Variants in PPM1L observed in about 807,000 individuals in gnomAD.
PPM1L encodes the protein protein phosphatase 1L.
PPM1L carries 13 observed loss-of-function variants against 31.4 expected under a neutral mutation model. The ratio of observed to expected loss-of-function variants is 0.41; its 90% CI spans 0.27 to 0.66. The LOEUF (loss-of-function observed/expected upper bound fraction) is 0.66, where lower values mean the gene tolerates loss of function less well. PPM1L is among the 30% of genes least tolerant of loss of function. The probability of loss-of-function intolerance (pLI) is 0.29; values close to 1 mark genes in which losing one functional copy is unlikely to be tolerated. For missense variants in PPM1L, 326 were observed against 453.7 expected, an observed-to-expected ratio of 0.72 and a Z score of 2.56; for synonymous variants, 184 against 175.4, an observed-to-expected ratio of 1.05 and a Z score of -0.39.
chr3:160,936,797 C>G (rs1459116851), intron 1 of PPM1L, among the ~76,000 whole-genome samples: 2 of 152,004 alleles, frequency 1.3e-5, no homozygotes, highest in African/African-American at 2.4e-5. Flanking sequence ...TGATCCTGAC[C>G]TTTTAAATTA....
At chr3:160,819,828 A>T (rs768294249) in intron 1 of PPM1L, among the ~76,000 whole-genome samples, 3 of 152,088 alleles carry the variant, frequency 2.0e-5, no homozygotes, top group Non-Finnish European at 2.9e-5. Context: ...TGTTATTTTT[A>T]AAAAAATAGA....
chr3:161,042,784 G>T (rs991554278), intron 2 of PPM1L, among the ~76,000 whole-genome samples: 1 of 152,110 alleles, frequency 6.6e-6, no homozygotes, highest in Non-Finnish European at 1.5e-5. Context: ...ACTTTGGGAG[G>T]CTGAGGCGGG....
intron 1 of PPM1L, among the ~76,000 whole-genome samples, chr3:160,773,416 CCTGA>C (rs1179866288): frequency 1.3e-5 from 2 of 151,930 alleles, no homozygotes; most frequent in Non-Finnish European, 2.9e-5. Context: ...GGGTGATTGG[CCTGA>C]CTCTCTCTTA....
intron 2 of PPM1L, among the ~76,000 whole-genome samples, chr3:160,976,331 TTC>T (rs1716573695): frequency 6.9e-6 from 1 of 145,048 alleles, no homozygotes; most frequent in African/African-American, 2.6e-5. Context: ...TGGTCTAAAA[TTC>T]TCTTTTTTGG....
At chr3:160,828,670 G>A (rs1459487103) in intron 1 of PPM1L, among the ~76,000 whole-genome samples, 1 of 151,960 alleles carries the variant, frequency 6.6e-6, no homozygotes, top group Non-Finnish European at 1.5e-5. Flanking sequence ...GGGACACATG[G>A]TCATGGTACC....
chr3:160,801,355 T>C (rs1181682736), intron 1 of PPM1L, among the ~76,000 whole-genome samples: 1 of 152,174 alleles, frequency 6.6e-6, no homozygotes, highest in Non-Finnish European at 1.5e-5. Flanking sequence ...ATTTTGCACT[T>C]GGGGCAAAGC....
intron 2 of PPM1L, among the ~76,000 whole-genome samples, chr3:161,064,432 A>T (rs777311346): frequency 4.6e-5 from 7 of 152,208 alleles, no homozygotes; most frequent in African/African-American, 7.2e-5. Flanking sequence ...CCATTTAGAT[A>T]CAGTTGACAT....
At chr3:160,964,847 C>G (rs572404505) in intron 2 of PPM1L, among the ~76,000 whole-genome samples, 1 of 152,062 alleles carries the variant, frequency 6.6e-6, no homozygotes, top group African/African-American at 2.4e-5. Context: ...ACTACCTCCT[C>G]CTCCATAACC....
In PPM1L at chr3:160,957,873, G is replaced by T. The variant is rs1715831216; in HGVS notation, c.400-3863G>T. On this transcript the variant is annotated intron_variant, in intron 1 of 3. Coordinates refer to ENST00000498165, the MANE Select transcript of PPM1L (RefSeq NM_139245.4). ...TTACAGGCGTGAGCCACTGCGGCCG[G>T]CCTCTCGTTGTGTTTTAATTTGCAT... 1.3e-5 allele frequency among the ~76,000 whole-genome samples: 2 copies of T among 152,132 alleles called. 1 individual carries two copies. Among genetic ancestry groups the T allele is most frequent in the African/African-American group, 4.8e-5 (2 of 41,418 alleles).
rs1304314117 is a variant in PPM1L at position 160,944,783 on chromosome 3, TTATA to T, written c.400-16949_400-16946del. On this transcript the variant is annotated intron_variant, in intron 1 of 3. Coordinates refer to ENST00000498165, the MANE Select transcript of PPM1L (RefSeq NM_139245.4). ...TATATATAACATGTTATATATTATA[TTATA>T]TATGTTATATATAACATATATAACA... Among the ~76,000 whole-genome samples the T allele has an allele frequency of 2.5e-4, 13 of 52,576 alleles. 3 individuals are homozygous for T. The highest frequency in any genetic ancestry group is 5.1e-4 in the Non-Finnish European group (11 of 21,724). The allele number at this position is 52,576 out of a possible 152,430, so 34.5% of individuals were successfully genotyped here.
At chr3:160,823,391 T>G (rs543459974) in intron 1 of PPM1L, among the ~76,000 whole-genome samples, 59 of 151,724 alleles carry the variant, frequency 3.9e-4, no homozygotes, top group African/African-American at 1.3e-3. Flanking sequence ...TTTTGTATTT[T>G]TAGTAGAGAT....
At chr3:160,964,847 C>T (rs572404505) in intron 2 of PPM1L, among the ~76,000 whole-genome samples, 1 of 151,944 alleles carries the variant, frequency 6.6e-6, no homozygotes, top group African/African-American at 2.4e-5. Context: ...ACTACCTCCT[C>T]CTCCATAACC....
At chr3:160,870,611 A>T (rs530489713) in intron 1 of PPM1L, 1 of 152,250 alleles carries the variant, frequency 6.6e-6, no homozygotes, top group South Asian at 2.1e-4. Flanking sequence ...CAATTCATGA[A>T]TGTGACACTT....
chr3:160,941,762 A>G (rs1715171026), intron 1 of PPM1L, among the ~76,000 whole-genome samples: 1 of 152,144 alleles, frequency 6.6e-6, no homozygotes, highest in African/African-American at 2.4e-5. Context: ...AATTTGTTGT[A>G]TTATTTTGTA....
chr3:160,968,146 T>A (rs1431643897), intron 2 of PPM1L, among the ~76,000 whole-genome samples: 1 of 150,258 alleles, frequency 6.7e-6, no homozygotes, highest in African/African-American at 2.4e-5. Context: ...ACTGTATGAG[T>A]CAAGCAAAAG....
intron 2 of PPM1L, among the ~76,000 whole-genome samples, chr3:161,050,026 G>T (rs989554190): frequency 2.6e-5 from 4 of 152,170 alleles, no homozygotes; most frequent in African/African-American, 9.7e-5. Context: ...CTGGGCAAAA[G>T]CATCTAACCA....
At chr3:160,837,800 T>TAACCATGTG (rs1713764343) in intron 1 of PPM1L, among the ~76,000 whole-genome samples, 1 of 152,204 alleles carries the variant, frequency 6.6e-6, no homozygotes, top group Admixed American at 6.5e-5. Flanking sequence ...CGTGGTCATG[T>TAACCATGTG]AACCATGTGA....
At chr3:160,999,802 A>AAGCAAAAGT (rs1333919089) in intron 2 of PPM1L, among the ~76,000 whole-genome samples, 2 of 152,344 alleles carry the variant, frequency 1.3e-5, no homozygotes, top group Admixed American at 6.5e-5. Context: ...ACTAGGAACA[A>AAGCAAAAGT]AGCAAAAGTA....
At chr3:160,814,256 G>A (rs1712897142) in intron 1 of PPM1L, among the ~76,000 whole-genome samples, 1 of 152,100 alleles carries the variant, frequency 6.6e-6, no homozygotes, top group South Asian at 2.1e-4. Flanking sequence ...CTGAACAGTA[G>A]ATACTGCCCC....
Sources: gnomAD v4.1 joint callset for allele counts (sites outside exome capture counted in the v4.1 genomes callset) on GRCh38, gnomAD v4.1.1 for gene constraint, MANE v1.5 for transcripts, NCBI Gene and HGNC (gene_info 2026-07-23, HGNC 2026-07-21) for gene names.